MEIS2: variants seen among roughly 807,000 people sequenced by gnomAD.
MEIS2 encodes homeobox protein Meis2.
In MEIS2, 9 loss-of-function variants were observed where a neutral mutation model predicts 58.6. That is an observed-to-expected ratio of 0.15 (90% CI 0.09 to 0.27). MEIS2 has a LOEUF of 0.27. Among genes scored for constraint, MEIS2 ranks in the 10% least tolerant of loss-of-function variants. MEIS2 has a pLI of 1.00. For missense variants in MEIS2, 427 were observed against 635.0 expected (o/e 0.67, Z 3.52); for synonymous variants, 221 against 228.4 (o/e 0.97, Z 0.29).
intron 9 of MEIS2, among the ~76,000 whole-genome samples, chr15:36,939,209 T>C (rs2058287423): frequency 6.6e-6 from 1 of 152,206 alleles, no homozygotes; most frequent in Non-Finnish European, 1.5e-5. Context: ...TCATGCATGT[T>C]TACTTCTCCA....
chr15:37,054,976 G>A (rs1038849168), intron 7 of MEIS2, among the ~76,000 whole-genome samples: 4 of 152,130 alleles, frequency 2.6e-5, no homozygotes, highest in Admixed American at 6.5e-5. Context: ...CACTTTATAT[G>A]AATTCCTTTG....
At chr15:36,896,725 T>C in intron 9 of MEIS2, 39 bp from the exon 10 acceptor site, 1 of 1,550,948 alleles carries the variant, frequency 6.4e-7, no homozygotes, top group Non-Finnish European at 8.9e-7. Context: ...CATACTCCGT[T>C]TCTGTACTCT....
intron 5 of MEIS2, chr15:37,094,025 TA>T: frequency 2.7e-6 from 1 of 372,932 alleles, no homozygotes; most frequent in East Asian, 4.7e-5. Context: ...TCCAGGGAAT[TA>T]AATCTGATTT....
chr15:36,988,695 A>G (rs1386453796), intron 8 of MEIS2, among the ~76,000 whole-genome samples: 1 of 152,214 alleles, frequency 6.6e-6, no homozygotes, highest in Non-Finnish European at 1.5e-5. Flanking sequence ...ATCTTAAAAC[A>G]ATAACCATCA....
Position 37,027,048 on chromosome 15 carries a change from T to C in MEIS2, c.900+9766A>G, listed in dbSNP as rs983084822. Among the ~76,000 whole-genome samples the C allele has an allele frequency of 2.0e-5, 3 of 152,352 alleles. No individual in the cohort carries two copies. In the East Asian group the frequency reaches 5.8e-4, roughly 29 times the overall value. ...GGGTGCCAGTGATTATTCTGCATAC[T>C]GTAAACAACTGCTGCCAATCAATTT... On this transcript the variant is annotated intron_variant, in intron 8 of 11. Transcript: ENST00000561208.
rs746689909 is a variant in MEIS2, at chr15:37,098,027, G to C, written c.185C>G (p.Pro62Arg). 6.2e-7 allele frequency: 1 copy of C among 1,612,722 alleles called. No individual in the cohort carries two copies. The highest frequency in any genetic ancestry group is 8.5e-7 in the Non-Finnish European group (1 of 1,179,238). The change falls in exon 2 of 12, where the codon CCG becomes CGG. Residue 62 changes from proline to arginine, a missense_variant. Pro to Arg is a moderately radical substitution (Grantham distance 103, BLOSUM62 -2). Around this residue, in one of 6 missense-constraint regions of MEIS2, gnomAD observed 103 missense variants for 111.8 expected, o/e 0.92. Transcript: ENST00000561208. ...GAHAPHPNVM[P>R]ASMGSAVNDA... ...GTTGACAGCGGATCCCATACTGGCC[G>C]GCATGACATTGGGGTGCGGGGCGTG...
At chr15:36,994,483 G>A (rs575551199) in intron 8 of MEIS2, among the ~76,000 whole-genome samples, 2 of 152,184 alleles carry the variant, frequency 1.3e-5, no homozygotes, top group African/African-American at 2.4e-5. Flanking sequence ...TCCTGAATCC[G>A]TCCAAATTGG....
At chr15:36,977,869 A>G (rs1406690727) in intron 8 of MEIS2, among the ~76,000 whole-genome samples, 1 of 152,212 alleles carries the variant, frequency 6.6e-6, no homozygotes, top group Non-Finnish European at 1.5e-5. Flanking sequence ...GTGTAACCAG[A>G]GGAGAGCCCA....
Position 37,093,698 on chromosome 15 carries a change from T to A in MEIS2, c.522A>T (p.Arg174=). The change falls in exon 6 of 12, where the codon CGA becomes CGT. Residue 174 remains arginine, a synonymous_variant. Coordinates refer to ENST00000561208, the MANE Select transcript of MEIS2 (RefSeq NM_170675.5). Reference sequence around the variant, plus strand: ...TTTTCCCCTTCAAACAGCTAATGTATCGGTGGCAGAAGTTATCGCACAGTT... The same window carrying A: ...TTTTCCCCTTCAAACAGCTAATGTAACGGTGGCAGAAGTTATCGCACAGTT... The part of the protein sequence containing the change: ...VHELCDNFCH[R]YISCLKGKMP... 4.3e-6 allele frequency: 7 copies of A among 1,614,170 alleles called. No homozygotes were observed. Among genetic ancestry groups the A allele is most frequent in the Non-Finnish European group, 5.9e-6 (7 of 1,180,030 alleles).
chr15:36,957,974 GC>G (rs1461056282), intron 8 of MEIS2, among the ~76,000 whole-genome samples: 1 of 152,192 alleles, frequency 6.6e-6, no homozygotes, highest in Non-Finnish European at 1.5e-5. Context: ...TTATGGAAAT[GC>G]AGGCTTCACA....
chr15:37,043,745 T>A (rs1378424776), intron 7 of MEIS2, among the ~76,000 whole-genome samples: 1 of 146,070 alleles, frequency 6.8e-6, no homozygotes, highest in Admixed American at 7.1e-5. Context: ...TGGAGTGCAG[T>A]GGCGCAACCT....
rs59227539 is a variant in MEIS2 at position 36,922,619 on chromosome 15, C to CTT, written c.978-25935_978-25934dup. On this transcript the variant is annotated intron_variant, in intron 9 of 11. Coordinates refer to ENST00000561208, the MANE Select transcript of MEIS2 (RefSeq NM_170675.5). The stretch of plus-strand genomic sequence containing the variant: ...GAAACCTCAGTAACTTTCTTTCTTT[C>CTT]TTTTTTTTTTTTTTTTTGTGATGGA... 4.8e-3 allele frequency among the ~76,000 whole-genome samples: 605 copies of CTT among 126,882 alleles called. 11 individuals carry two copies. Among genetic ancestry groups the CTT allele is most frequent in the Non-Finnish European group, 6.2e-3 (376 of 60,790 alleles). 83.2% of individuals were successfully genotyped at this position (126,882 alleles called of 152,430 possible).
rs559327053 is a variant in MEIS2 at position 37,019,922 on chromosome 15, G to A, written c.900+16892C>T. Among the ~76,000 whole-genome samples the A allele has an allele frequency of 7.2e-5, 11 of 152,256 alleles. No homozygotes were observed. The East Asian group carries it at 1.9e-3, about 27-fold the overall frequency. On this transcript the variant is annotated intron_variant, in intron 8 of 11. Coordinates refer to ENST00000561208, the MANE Select transcript of MEIS2 (RefSeq NM_170675.5). ...AGTAACACCAAAATAAACAGCTTGC[G>A]ATGCTGTTTATTTTAAGATACACAA... is the stretch of plus-strand genomic sequence containing the variant.
At chr15:37,072,054 T>C (rs746887195) in intron 7 of MEIS2, among the ~76,000 whole-genome samples, 8 of 152,092 alleles carry the variant, frequency 5.3e-5, no homozygotes, top group Non-Finnish European at 8.8e-5. Flanking sequence ...ACATGTAATG[T>C]CAGTCCTCTC....
intron 3 of MEIS2, 139 bp from the exon 4 acceptor site, chr15:37,095,753 C>G: frequency 9.7e-6 from 12 of 1,240,992 alleles, no homozygotes; most frequent in Non-Finnish European, 1.4e-5. Context: ...AAACTGGTGC[C>G]TTAAATTAGT....
chr15:37,065,673 C>G (rs1889835456), intron 7 of MEIS2, among the ~76,000 whole-genome samples: 1 of 152,174 alleles, frequency 6.6e-6, no homozygotes, highest in African/African-American at 2.4e-5. Context: ...CAGTAGGTTA[C>G]AGAGGTGATT....
chr15:37,025,316 A>G (rs1214320138), intron 8 of MEIS2, among the ~76,000 whole-genome samples: 1 of 152,250 alleles, frequency 6.6e-6, no homozygotes. Context: ...GAGCACTCAG[A>G]TAAATTAAAT....
intron 8 of MEIS2, among the ~76,000 whole-genome samples, chr15:36,997,489 CT>C (rs11286332): frequency 0.8 from 108,326 of 136,232 alleles, 43,829 homozygotes; most frequent in Middle Eastern, 0.9. Flanking sequence ...CTCTCTCTCT[CT>C]TTTTTTTTTT....
intron 8 of MEIS2, among the ~76,000 whole-genome samples, chr15:36,966,716 C>G (rs932369426): frequency 6.6e-6 from 1 of 152,086 alleles, no homozygotes; most frequent in African/African-American, 2.4e-5. Context: ...AGTGAAGGTA[C>G]TAAATGAAAA....
Sources: allele counts gnomAD v4.1 joint callset (sites outside exome capture counted in the v4.1 genomes callset), GRCh38; gene constraint gnomAD v4.1.1; regional missense constraint gnomAD v4.1.1; transcripts MANE v1.5; gene names NCBI Gene and HGNC (gene_info 2026-07-23, HGNC 2026-07-21).